Variants in DSCAM observed in about 807,000 individuals in gnomAD.
DSCAM encodes the protein DS cell adhesion molecule.
In DSCAM, 47 loss-of-function variants were observed where a neutral mutation model predicts 217.7. The observed-to-expected ratio is 0.22, with a 90% CI of 0.17 to 0.28. The LOEUF (loss-of-function observed/expected upper bound fraction) is 0.28. Ranked by LOEUF, DSCAM falls within the 10% of genes least tolerant of loss-of-function variation. DSCAM has a pLI of 1.00. For missense variants in DSCAM, 2,080 were observed against 2,618.3 expected (o/e 0.79, Z 4.49); for synonymous variants, 1,056 against 1,015.3 (o/e 1.04, Z -0.76).
intron 32 of DSCAM, among the ~76,000 whole-genome samples, chr21:40,038,932 C>T (rs1221552620): frequency 1.3e-5 from 2 of 149,230 alleles, no homozygotes; most frequent in African/African-American, 5.0e-5. Flanking sequence ...AAACCAAACG[C>T]CGCATATTCT....
intron 9 of DSCAM, among the ~76,000 whole-genome samples, chr21:40,298,302 T>C (rs552532356): frequency 5.3e-4 from 80 of 152,006 alleles, no homozygotes; most frequent in Middle Eastern, 3.4e-3. Flanking sequence ...AGGCTGGTCT[T>C]GAACTCCTGA....
chr21:40,200,567 G>T (rs1370145472), intron 11 of DSCAM, among the ~76,000 whole-genome samples: 4 of 152,142 alleles, frequency 2.6e-5, no homozygotes, highest in Admixed American at 2.6e-4. Flanking sequence ...GGACACTTGT[G>T]TTGCTTTCAC....
chr21:40,013,123 T>C lies in DSCAM; in HGVS notation c.5950A>G (p.Lys1984Glu). 1.9e-6 allele frequency: 3 copies of C among 1,610,620 alleles called. No individual in the cohort carries two copies. The highest frequency in any genetic ancestry group is 2.5e-6 in the Non-Finnish European group (3 of 1,177,850). Residue 1984 changes from lysine (K) to glutamate (E), a missense_variant, in exon 33 of 33, where the codon AAA becomes GAA. Lys to Glu is a moderately conservative substitution (Grantham distance 56). Around this residue, in one of 5 missense-constraint regions of DSCAM, gnomAD observed 145 missense variants for 138.5 expected, o/e 1.05. Coordinates refer to ENST00000400454, the MANE Select transcript of DSCAM (RefSeq NM_001389.5). ...REGAELGQAA[K>E]MSSSQESLLD... ...AGTGATTCTTGGGAGCTGCTCATTT[T>C]AGCTGCCTGTCCCAGCTCTGCTCCC...
chr21:40,641,806 C>T (rs974013962), intron 3 of DSCAM, among the ~76,000 whole-genome samples: 8 of 152,052 alleles, frequency 5.3e-5, no homozygotes, highest in African/African-American at 1.4e-4. Context: ...CCCAGCACTA[C>T]GGGGAGGCCG....
intron 6 of DSCAM, among the ~76,000 whole-genome samples, chr21:40,340,643 T>C (rs1299639099): frequency 3.3e-5 from 5 of 152,210 alleles, no homozygotes; most frequent in African/African-American, 1.2e-4. Context: ...AAAGAATTTT[T>C]GTGTTCAATT....
intron 11 of DSCAM, among the ~76,000 whole-genome samples, chr21:40,246,285 G>A (rs2073222695): frequency 7.5e-6 from 1 of 133,010 alleles, no homozygotes; most frequent in Non-Finnish European, 1.5e-5. Flanking sequence ...GGGAAGCCAA[G>A]GCAGGTGAAT....
At chr21:40,100,548 T>C (rs190534913) in intron 20 of DSCAM, among the ~76,000 whole-genome samples, 57 of 152,254 alleles carry the variant, frequency 3.7e-4, no homozygotes, top group South Asian at 1.9e-3. Context: ...CTTCCAAATA[T>C]AGAGAATGTT....
intron 17 of DSCAM, among the ~76,000 whole-genome samples, chr21:40,143,026 T>C (rs562527539): frequency 2.2e-4 from 34 of 152,326 alleles, no homozygotes; most frequent in South Asian, 1.0e-3. Flanking sequence ...TAGAAAATCA[T>C]TGTTTGTCTG....
At chr21:40,293,225 T>C (rs1298692663) in intron 10 of DSCAM, among the ~76,000 whole-genome samples, 3 of 152,128 alleles carry the variant, frequency 2.0e-5, no homozygotes, top group African/African-American at 4.8e-5. Context: ...TCCAGAGAGA[T>C]GCTGGCAAAA....
chr21:40,666,822 T>C (rs1490604224), intron 3 of DSCAM, among the ~76,000 whole-genome samples: 1 of 152,214 alleles, frequency 6.6e-6, no homozygotes, highest in Non-Finnish European at 1.5e-5. Flanking sequence ...CACAGACTAC[T>C]TCAAAGTGAT....
intron 11 of DSCAM, among the ~76,000 whole-genome samples, chr21:40,219,752 T>A (rs942370425): frequency 3.3e-5 from 5 of 152,232 alleles, no homozygotes; most frequent in African/African-American, 1.2e-4. Flanking sequence ...TTTCTCTATA[T>A]GTTTATTAAT....
intron 3 of DSCAM, among the ~76,000 whole-genome samples, chr21:40,570,341 T>G (rs1258796640): frequency 1.3e-5 from 2 of 152,174 alleles, no homozygotes; most frequent in Non-Finnish European, 2.9e-5. Context: ...ATCCTAACTC[T>G]GCAACAGAGC....
intron 1 of DSCAM, among the ~76,000 whole-genome samples, chr21:40,804,176 G>A (rs2123511086): frequency 6.6e-6 from 1 of 152,308 alleles, no homozygotes; most frequent in East Asian, 1.9e-4. Flanking sequence ...CAGGGATAGG[G>A]GAGGCTTCCT....
At chr21:40,757,290 G>A (rs927959500) in intron 1 of DSCAM, among the ~76,000 whole-genome samples, 17 of 152,300 alleles carry the variant, frequency 1.1e-4, no homozygotes, top group Admixed American at 1.0e-3. Context: ...CTCCCAAAGT[G>A]CTGGGATTAC....
chr21:40,712,689 GATAAT>G, intron 1 of DSCAM, among the ~76,000 whole-genome samples: 1 of 152,062 alleles, frequency 6.6e-6, no homozygotes, highest in Middle Eastern at 3.4e-3. Context: ...AACTTCTGTT[GATAAT>G]ATAATGTAAC....
chr21:40,543,889 T>C (rs1253897158), intron 3 of DSCAM, among the ~76,000 whole-genome samples: 3 of 152,216 alleles, frequency 2.0e-5, no homozygotes, highest in African/African-American at 7.2e-5. Flanking sequence ...AAATAAAATA[T>C]TGCTGCTCTC....
intron 20 of DSCAM, among the ~76,000 whole-genome samples, chr21:40,111,756 G>A (rs1244476809): frequency 1.3e-5 from 2 of 151,914 alleles, no homozygotes; most frequent in East Asian, 3.9e-4. Flanking sequence ...AAAAGGCAGG[G>A]GTTGCAATCC....
At chr21:40,041,942 T>C (rs2088758850) in intron 32 of DSCAM, among the ~76,000 whole-genome samples, 1 of 152,176 alleles carries the variant, frequency 6.6e-6, no homozygotes, top group African/African-American at 2.4e-5. Context: ...ATGACAGAAA[T>C]GATAGCTGTG....
At chr21:40,430,774 G>A (rs1159939478) in intron 3 of DSCAM, among the ~76,000 whole-genome samples, 1 of 152,114 alleles carries the variant, frequency 6.6e-6, no homozygotes, top group Non-Finnish European at 1.5e-5. Context: ...CGCCTCTTTG[G>A]GCCTCATTGT....
Sources: allele counts gnomAD v4.1 joint callset (sites outside exome capture counted in the v4.1 genomes callset), GRCh38; gene constraint gnomAD v4.1.1; regional missense constraint gnomAD v4.1.1; transcripts MANE v1.5; gene names NCBI Gene and HGNC (gene_info 2026-07-23, HGNC 2026-07-21).